DAW1: variants seen among roughly 807,000 people sequenced by gnomAD.
DAW1 encodes the protein dynein assembly factor with WD repeats 1.
In DAW1, 47 loss-of-function variants were observed where a neutral mutation model predicts 56.5. The observed-to-expected ratio is 0.83, with a 90% CI of 0.66 to 1.06. The LOEUF is 1.06. Among genes scored for constraint, DAW1 ranks in the 50% least tolerant of loss-of-function variants. DAW1 has a pLI of 0.00. For synonymous variants in DAW1, 190 were observed against 179.0 expected, an observed-to-expected ratio of 1.06 and a Z score of -0.49; for missense variants, 505 against 499.3, an observed-to-expected ratio of 1.01 and a Z score of -0.11.
At chr2:227,914,151 G>T (rs1691896760) in intron 10 of DAW1, among the ~76,000 whole-genome samples, 1 of 151,968 alleles carries the variant, frequency 6.6e-6, no homozygotes, top group South Asian at 2.1e-4. Context: ...GAGTGATGCT[G>T]TACTATGTCT....
At chr2:227,915,361 C>A (rs1691927663) in intron 10 of DAW1, among the ~76,000 whole-genome samples, 1 of 152,008 alleles carries the variant, frequency 6.6e-6, no homozygotes, top group Non-Finnish European at 1.5e-5. Flanking sequence ...ACTTGTGTGT[C>A]ATCAACTTAA....
intron 9 of DAW1, 84 bp from the exon 10 acceptor site, chr2:227,907,054 G>A: frequency 1.2e-6 from 1 of 864,490 alleles, no homozygotes; most frequent in Non-Finnish European, 1.8e-6. Flanking sequence ...CCATAAGCAT[G>A]TCATGAAGAC....
At chr2:227,914,029 A>G (rs1462794986) in intron 10 of DAW1, among the ~76,000 whole-genome samples, 5 of 150,914 alleles carry the variant, frequency 3.3e-5, no homozygotes, top group Non-Finnish European at 7.4e-5. Flanking sequence ...CATTAGGTCT[A>G]TTCATGTTCC....
chr2:227,917,170 GTCTGTCTGTCTA>G (rs1164253845), intron 10 of DAW1, among the ~76,000 whole-genome samples: 2 of 149,444 alleles, frequency 1.3e-5, no homozygotes, highest in African/African-American at 5.0e-5. Flanking sequence ...CTGTCTGTCT[GTCTGTCTGTCTA>G]TCTATGTATC....
chr2:227,911,260 G>GTATATATACATATATACA (rs1419852303), intron 10 of DAW1, among the ~76,000 whole-genome samples: 1 of 128,044 alleles, frequency 7.8e-6, no homozygotes, highest in Non-Finnish European at 1.7e-5. Context: ...ATATACACGT[G>GTATATATACATATATACA]TATATACACA....
At chr2:227,911,228 GTGTATA>G (rs1691807557) in intron 10 of DAW1, among the ~76,000 whole-genome samples, 1 of 58,388 alleles carries the variant, frequency 1.7e-5, no homozygotes, top group South Asian at 4.4e-4. Flanking sequence ...ACATACATAT[GTGTATA>G]TATACATATA....
intron 5 of DAW1, among the ~76,000 whole-genome samples, chr2:227,894,971 A>G (rs1691372921): frequency 1.3e-5 from 2 of 152,252 alleles, no homozygotes; most frequent in African/African-American, 2.4e-5. Flanking sequence ...CCAATAAAAT[A>G]TGAGTGTGAA....
At chr2:227,896,054 G>A (rs1045393043) in intron 5 of DAW1, among the ~76,000 whole-genome samples, 7 of 152,146 alleles carry the variant, frequency 4.6e-5, no homozygotes, top group Admixed American at 3.3e-4. Flanking sequence ...TTTTAGAAAT[G>A]TAGTACCCTT....
At chr2:227,922,449 G>T (rs959941382) in intron 12 of DAW1, among the ~76,000 whole-genome samples, 7 of 152,206 alleles carry the variant, frequency 4.6e-5, no homozygotes, top group Admixed American at 4.6e-4. Flanking sequence ...GGAGTGCCTC[G>T]AGGGGAGGCC....
At chr2:227,871,789 G>T in intron 1 of DAW1, 60 bp downstream of exon 1, 1 of 1,603,812 alleles carries the variant, frequency 6.2e-7, no homozygotes, top group Middle Eastern at 1.7e-4. Context: ...AGACTGGGAG[G>T]GTTTGGGGCG....
intron 6 of DAW1, among the ~76,000 whole-genome samples, chr2:227,902,327 C>A (rs1160219128): frequency 1.3e-5 from 2 of 151,910 alleles, no homozygotes; most frequent in East Asian, 3.9e-4. Context: ...CTAACAGTGT[C>A]GAGGATACTG....
intron 8 of DAW1, among the ~76,000 whole-genome samples, chr2:227,905,708 T>C (rs1164798226): frequency 6.6e-6 from 1 of 152,258 alleles, no homozygotes; most frequent in East Asian, 1.9e-4. Context: ...AGCATTATTT[T>C]GATAGTTTAA....
chr2:227,889,591 T>A (rs77727183), intron 2 of DAW1: 8,589 of 277,854 alleles, frequency 0.031, 761 homozygotes, highest in African/African-American at 0.18. Flanking sequence ...CATTAGACTC[T>A]TGGCACACCC....
At chr2:227,915,180 G>T (rs1337163518) in intron 10 of DAW1, among the ~76,000 whole-genome samples, 1 of 152,014 alleles carries the variant, frequency 6.6e-6, no homozygotes, top group Non-Finnish European at 1.5e-5. Context: ...ATGATGCTCT[G>T]CTTTTATTCA....
In DAW1 at chr2:227,905,743, T is replaced by C. The variant is rs186680463; in HGVS notation, c.756-493T>C. On this transcript the variant is annotated intron_variant, in intron 8 of 12. Coordinates refer to ENST00000309931, the MANE Select transcript of DAW1 (RefSeq NM_178821.3). ...AAATCTAAGTACATTTTTGTTGAAATGAAATTATTTATTTAGTTAGTTAGT... is the reference window on the plus strand; with the variant it reads ...AAATCTAAGTACATTTTTGTTGAAACGAAATTATTTATTTAGTTAGTTAGT... 6.5e-3 allele frequency among the ~76,000 whole-genome samples: 989 copies of C among 152,368 alleles called. 14 individuals carry two copies. Among genetic ancestry groups the C allele is most frequent in the African/African-American group, 0.022 (918 of 41,576 alleles).
At chr2:227,878,863 T>C (rs1690946657) in intron 1 of DAW1, among the ~76,000 whole-genome samples, 1 of 151,004 alleles carries the variant, frequency 6.6e-6, no homozygotes, top group Non-Finnish European at 1.5e-5. Flanking sequence ...TCTCAACTCA[T>C]TGCAATGTCT....
rs1470465636 is a variant in DAW1 at position 227,921,640 on chromosome 2, T to A, written c.1213+79T>A. 1.3e-5 allele frequency: 19 copies of A among 1,422,650 alleles called. No individual in the cohort carries two copies. The East Asian group carries it at 4.4e-4, about 33-fold the overall frequency. 88.1% of individuals were successfully genotyped at this position (1,422,650 alleles called of 1,614,324 possible). On this transcript the variant is annotated intron_variant, in intron 12 of 12. Coordinates refer to ENST00000309931, the MANE Select transcript of DAW1 (RefSeq NM_178821.3). ...TTCCCAAGCTGAATACTAACAGGAG[T>A]TCATCCCCATTCCCTACCTCTTTTC...
rs892389927 is a variant in DAW1 at position 227,879,550 on chromosome 2, G to A, written c.41-5801G>A. Among the ~76,000 whole-genome samples the A allele has an allele frequency of 2.3e-4, 35 of 151,722 alleles. 1 individual carries two copies. Among genetic ancestry groups the A allele is most frequent in the Admixed American group, 2.0e-3 (30 of 15,224 alleles). On this transcript the variant is annotated intron_variant, in intron 1 of 12. Transcript: ENST00000309931. Reference sequence around the variant, plus strand: ...CAGAAGCTTATAATTTATTTTAGACGAATTTGTCAATTTTTTCTTTTATAG... The same window carrying A: ...CAGAAGCTTATAATTTATTTTAGACAAATTTGTCAATTTTTTCTTTTATAG...
intron 1 of DAW1, among the ~76,000 whole-genome samples, chr2:227,882,856 C>T (rs956033341): frequency 1.3e-5 from 2 of 152,148 alleles, no homozygotes; most frequent in African/African-American, 2.4e-5. Context: ...AAGAAGGTGC[C>T]TTGCTTCCTC....
Sources: gnomAD v4.1 joint callset for allele counts (sites outside exome capture counted in the v4.1 genomes callset) on GRCh38, gnomAD v4.1.1 for gene constraint, MANE v1.5 for transcripts, NCBI Gene and HGNC (gene_info 2026-07-23, HGNC 2026-07-21) for gene names.